The following TMTC2 variants were observed in gnomAD, a reference collection of about 807,000 sequenced individuals.
The protein encoded by TMTC2 is protein O-mannosyl-transferase TMTC2.
A neutral mutation model predicts 82.4 loss-of-function variants in TMTC2; 43 were observed. That is an observed-to-expected ratio of 0.52 (90% CI 0.41 to 0.67). The LOEUF is 0.67. Among genes scored for constraint, TMTC2 ranks in the 30% least tolerant of loss-of-function variants. TMTC2 has a pLI of 0.00. For missense variants in TMTC2, 919 were observed against 1,012.4 expected, an observed-to-expected ratio of 0.91 and a Z score of 1.25; for synonymous variants, 408 against 381.9, an observed-to-expected ratio of 1.07 and a Z score of -0.80.
chr12:82,714,556 C>T (rs567504695), intron 1 of TMTC2, among the ~76,000 whole-genome samples: 10 of 152,192 alleles, frequency 6.6e-5, no homozygotes, highest in Admixed American at 3.3e-4. Flanking sequence ...TTACTACCTA[C>T]GAAGCATTTT....
At chr12:82,822,338 T>C (rs1303637644) in intron 1 of TMTC2, among the ~76,000 whole-genome samples, 1 of 152,186 alleles carries the variant, frequency 6.6e-6, no homozygotes, top group Admixed American at 6.5e-5. Flanking sequence ...TTCATCAGTT[T>C]TAACAAATGT....
intron 1 of TMTC2, among the ~76,000 whole-genome samples, chr12:82,770,462 T>G (rs1877229523): frequency 6.6e-6 from 1 of 152,032 alleles, no homozygotes; most frequent in Non-Finnish European, 1.5e-5. Flanking sequence ...CTTTCTTAGA[T>G]AGAATTTAGT....
At chr12:82,926,873 A>G (rs983779286) in intron 3 of TMTC2, among the ~76,000 whole-genome samples, 1 of 152,218 alleles carries the variant, frequency 6.6e-6, no homozygotes, top group African/African-American at 2.4e-5. Context: ...TACTGAATAT[A>G]TTAAGCTTAA....
intron 11 of TMTC2, among the ~76,000 whole-genome samples, chr12:83,127,078 TAA>T (rs991354691): frequency 6.6e-6 from 1 of 152,134 alleles, no homozygotes; most frequent in Non-Finnish European, 1.5e-5. Context: ...ATAGCTACTT[TAA>T]AAAGAGTGAG....
intron 1 of TMTC2, among the ~76,000 whole-genome samples, chr12:82,824,826 C>A (rs947986613): frequency 1.3e-5 from 2 of 152,094 alleles, no homozygotes; most frequent in Non-Finnish European, 2.9e-5. Flanking sequence ...CAGTGGCTCA[C>A]GTCTGTAATC....
chr12:82,964,910 T>A (rs2137302355), intron 4 of TMTC2, 114 bp from the exon 5 acceptor site: 1 of 567,712 alleles, frequency 1.8e-6, no homozygotes, highest in Non-Finnish European at 3.0e-6. Context: ...ATTACCAGGT[T>A]AGCATTTTTA....
intron 1 of TMTC2, among the ~76,000 whole-genome samples, chr12:82,723,138 A>G (rs1874290649): frequency 6.6e-6 from 1 of 152,202 alleles, no homozygotes; most frequent in African/African-American, 2.4e-5. Context: ...CATTTGACTT[A>G]AAGGAGAAAC....
intron 1 of TMTC2, among the ~76,000 whole-genome samples, chr12:82,839,278 G>C (rs1870208756): frequency 6.6e-6 from 1 of 152,146 alleles, no homozygotes; most frequent in African/African-American, 2.4e-5. Context: ...ATCCTATTCT[G>C]TTATTCTCCC....
At chr12:82,808,773 G>C (rs981427105) in intron 1 of TMTC2, among the ~76,000 whole-genome samples, 4 of 151,736 alleles carry the variant, frequency 2.6e-5, no homozygotes, top group African/African-American at 9.7e-5. Flanking sequence ...CAGAGTTTGG[G>C]ATTAGTTTTT....
At chr12:82,735,348 G>T (rs915911029) in intron 1 of TMTC2, among the ~76,000 whole-genome samples, 57 of 51,128 alleles carry the variant, frequency 1.1e-3, no homozygotes, top group African/African-American at 3.9e-3. Flanking sequence ...CATTAATTTT[G>T]ATTTTTTTTT....
intron 1 of TMTC2, among the ~76,000 whole-genome samples, chr12:82,812,415 GTC>G (rs1868449907): frequency 6.6e-6 from 1 of 152,068 alleles, no homozygotes; most frequent in Non-Finnish European, 1.5e-5. Context: ...AAATCTGCAT[GTC>G]ATAAAATTTG....
At chr12:83,024,556 A>G (rs192239347) in intron 8 of TMTC2, among the ~76,000 whole-genome samples, 3 of 152,338 alleles carry the variant, frequency 2.0e-5, no homozygotes, top group East Asian at 1.9e-4. Flanking sequence ...AGTGGCTGCT[A>G]GAACACACTA....
intron 3 of TMTC2, among the ~76,000 whole-genome samples, chr12:82,900,606 A>G (rs185265884): frequency 3.5e-4 from 50 of 144,870 alleles, no homozygotes; most frequent in Admixed American, 2.4e-3. Context: ...AGGAATATAT[A>G]TAGGAATATA....
intron 8 of TMTC2, among the ~76,000 whole-genome samples, chr12:83,003,941 C>G (rs559837259): frequency 8.9e-4 from 136 of 152,238 alleles, no homozygotes; most frequent in African/African-American, 3.1e-3. Context: ...TTCGTGAACT[C>G]TTACATATCC....
At chr12:83,045,707 T>TCACACACACACACACACA (rs143555229) in intron 9 of TMTC2, among the ~76,000 whole-genome samples, 3,479 of 122,552 alleles carry the variant, frequency 0.028, 256 homozygotes, top group East Asian at 0.035. Flanking sequence ...AAGGGCTCCT[T>TCACACACACACACACACA]CACACACACA....
At chr12:82,704,770 C>G (rs1233099564) in intron 1 of TMTC2, among the ~76,000 whole-genome samples, 1 of 150,490 alleles carries the variant, frequency 6.6e-6, no homozygotes, top group East Asian at 1.9e-4. Context: ...AATTTCTGTT[C>G]TGTATTAAGA....
At chr12:82,727,086 G>A (rs1317293004) in intron 1 of TMTC2, among the ~76,000 whole-genome samples, 1 of 149,834 alleles carries the variant, frequency 6.7e-6, no homozygotes, top group Non-Finnish European at 1.5e-5. Flanking sequence ...GATCTTTTGT[G>A]TTGGAACTTT....
chr12:82,703,874 T>C (rs935835706), intron 1 of TMTC2, among the ~76,000 whole-genome samples: 3 of 152,228 alleles, frequency 2.0e-5, no homozygotes, highest in African/African-American at 7.2e-5. Context: ...CATGTTAGAA[T>C]GGAAGTTCTC....
chr12:83,036,258 T>C (rs2137432002), intron 9 of TMTC2, among the ~76,000 whole-genome samples: 1 of 152,248 alleles, frequency 6.6e-6, no homozygotes, highest in East Asian at 1.9e-4. Context: ...CTCTAGCAAA[T>C]CTTACAAACT....
Sources: gnomAD v4.1 joint callset for allele counts (sites outside exome capture counted in the v4.1 genomes callset) on GRCh38, gnomAD v4.1.1 for gene constraint, MANE v1.5 for transcripts, NCBI Gene and HGNC (gene_info 2026-07-23, HGNC 2026-07-21) for gene names.